Variants in STARD13 observed in about 807,000 individuals in gnomAD.
STARD13 encodes the protein StAR related lipid transfer domain containing 13.
In STARD13, 62 loss-of-function variants were observed where a neutral mutation model predicts 106.4. The ratio of observed to expected loss-of-function variants is 0.58; its 90% CI spans 0.48 to 0.72. STARD13 has a LOEUF of 0.72. Among genes scored for constraint, STARD13 ranks in the 30% least tolerant of loss-of-function variants. The pLI, the probability that STARD13 is intolerant of heterozygous loss-of-function variation, is 0.00. For synonymous variants in STARD13, 565 were observed against 553.0 expected (o/e 1.02, Z -0.31); for missense variants, 1,387 against 1,424.0 (o/e 0.97, Z 0.42).
chr13:33,542,549 G>C, the STARD13 span, among the ~76,000 whole-genome samples: 1 of 152,358 alleles, frequency 6.6e-6, no homozygotes, highest in Non-Finnish European at 1.5e-5. Flanking sequence ...CAAGCGCACG[G>C]CGAGACCCCG....
the STARD13 span, among the ~76,000 whole-genome samples, chr13:33,458,890 G>A: frequency 6.7e-6 from 1 of 149,196 alleles, no homozygotes; most frequent in East Asian, 2.0e-4. Context: ...GTGCAATCTG[G>A]GCTTACTGCA....
chr13:33,333,301 T>C (rs1176822692), intron 1 of STARD13, among the ~76,000 whole-genome samples: 1 of 152,048 alleles, frequency 6.6e-6, no homozygotes, highest in Non-Finnish European at 1.5e-5. Flanking sequence ...GGCATGACAA[T>C]AGCTTGAACC....
chr13:33,269,264 G>A (rs1222484090), intron 1 of STARD13, among the ~76,000 whole-genome samples: 1 of 152,150 alleles, frequency 6.6e-6, no homozygotes, highest in African/African-American at 2.4e-5. Flanking sequence ...AAATAATACT[G>A]ATATCAAAAC....
chr13:33,635,438 T>G, the STARD13 span, among the ~76,000 whole-genome samples: 1 of 152,036 alleles, frequency 6.6e-6, no homozygotes, highest in Non-Finnish European at 1.5e-5. Flanking sequence ...GGTGGGTGGA[T>G]CATGAGGTCA....
At chr13:33,382,686 A>C in the STARD13 span, among the ~76,000 whole-genome samples, 1 of 152,234 alleles carries the variant, frequency 6.6e-6, no homozygotes, top group Non-Finnish European at 1.5e-5. Flanking sequence ...CCTAGGCCTC[A>C]TTTGAAATTA....
the STARD13 span, among the ~76,000 whole-genome samples, chr13:33,544,142 A>G: frequency 6.6e-6 from 1 of 152,232 alleles, no homozygotes; most frequent in African/African-American, 2.4e-5. Flanking sequence ...AAAATTAAGG[A>G]CAAAATAGTT....
At chr13:33,324,697 T>A (rs904340041) in intron 1 of STARD13, among the ~76,000 whole-genome samples, 3 of 152,242 alleles carry the variant, frequency 2.0e-5, no homozygotes, top group African/African-American at 4.8e-5. Flanking sequence ...AGAGATGTTA[T>A]CTTCAATTTT....
At chr13:33,612,191 C>T in the STARD13 span, among the ~76,000 whole-genome samples, 1 of 152,134 alleles carries the variant, frequency 6.6e-6, no homozygotes, top group Non-Finnish European at 1.5e-5. Flanking sequence ...CTATAGACAG[C>T]CCTCTTCTTC....
intron 1 of STARD13, among the ~76,000 whole-genome samples, chr13:33,230,623 T>C (rs1294409980): frequency 6.6e-6 from 1 of 152,258 alleles, no homozygotes; most frequent in Non-Finnish European, 1.5e-5. Context: ...TGCACAAGAA[T>C]TCTCTTTTGC....
chr13:33,654,067 T>A, the STARD13 span, among the ~76,000 whole-genome samples: 1 of 152,230 alleles, frequency 6.6e-6, no homozygotes, highest in African/African-American at 2.4e-5. Flanking sequence ...TGAATCCTCA[T>A]ACATTGCTAG....
At chr13:33,347,662 T>C (rs899120739), downstream of STARD13, among the ~76,000 whole-genome samples, 5 of 152,290 alleles carry the variant, frequency 3.3e-5, no homozygotes, top group East Asian at 5.8e-4. Flanking sequence ...CTAGGAGAAA[T>C]AGGCCATACC....
At chr13:33,123,911 A>T (rs993698082) in intron 7 of STARD13, among the ~76,000 whole-genome samples, 3 of 152,230 alleles carry the variant, frequency 2.0e-5, no homozygotes, top group African/African-American at 7.2e-5. Context: ...TCCTATTAAA[A>T]TGTGGCATAG....
the STARD13 span, among the ~76,000 whole-genome samples, chr13:33,568,395 T>C: frequency 6.8e-6 from 1 of 148,122 alleles, no homozygotes; most frequent in African/African-American, 2.5e-5. Context: ...TTCTATAAGA[T>C]ACTTAGCATT....
At chr13:33,620,300 T>G in the STARD13 span, among the ~76,000 whole-genome samples, 1 of 150,908 alleles carries the variant, frequency 6.6e-6, no homozygotes, top group South Asian at 2.1e-4. Context: ...TTTTTTTTTT[T>G]GAGACAAAGT....
At chr13:33,520,538 T>A in the STARD13 span, among the ~76,000 whole-genome samples, 74 of 152,248 alleles carry the variant, frequency 4.9e-4, no homozygotes, top group African/African-American at 1.7e-3. Context: ...TTTTAAACAA[T>A]AGCGGCCAGT....
chr13:33,243,021 C>G (rs1402888564), intron 1 of STARD13, among the ~76,000 whole-genome samples: 1 of 152,094 alleles, frequency 6.6e-6, no homozygotes, highest in Non-Finnish European at 1.5e-5. Context: ...TCAGAAAACA[C>G]CTCTCCATCA....
chr13:33,623,428 T>TAAAAAGAA, the STARD13 span, among the ~76,000 whole-genome samples: 1 of 59,300 alleles, frequency 1.7e-5, no homozygotes, highest in Non-Finnish European at 5.1e-5. Context: ...CTCAATAAAG[T>TAAAAAGAA]AAAAAAAAAA....
rs111472920 is a variant in STARD13, at chr13:33,127,361, T to C, written c.1922+12A>G. The C allele has an allele frequency of 5.7e-5, 88 of 1,556,702 alleles. No homozygotes were observed. Among genetic ancestry groups the C allele is most frequent in the Non-Finnish European group, 6.9e-5 (80 of 1,152,776 alleles). ...AGCCAAGGATCCCCTCCTAGGTGAA[T>C]GTGCTACGCACCATGTCCAGCCGTG... On this transcript the variant is annotated intron_variant, in intron 6 of 13. Transcript: ENST00000336934.
At chr13:33,465,163 G>T in the STARD13 span, among the ~76,000 whole-genome samples, 1 of 144,880 alleles carries the variant, frequency 6.9e-6, no homozygotes, top group Non-Finnish European at 1.5e-5. Flanking sequence ...ACCATGATCT[G>T]TTGCCTGCCT....
Sources: allele counts gnomAD v4.1 joint callset (sites outside exome capture counted in the v4.1 genomes callset), GRCh38; gene constraint gnomAD v4.1.1; transcripts MANE v1.5; gene names NCBI Gene and HGNC (gene_info 2026-07-23, HGNC 2026-07-21).